Variants in VIL1 observed in about 807,000 individuals in gnomAD.
VIL1 encodes villin 1, also known as villin-1.
Under a neutral mutation model 104.0 loss-of-function variants are expected in VIL1, and 86 were observed. That is an observed-to-expected ratio of 0.83 (90% CI 0.69 to 0.99). The LOEUF (loss-of-function observed/expected upper bound fraction) is 0.99. Ranked by LOEUF, VIL1 falls within the 50% of genes least tolerant of loss-of-function variation. The pLI, the probability that VIL1 is intolerant of heterozygous loss-of-function variation, is 0.00. For missense variants in VIL1, 944 were observed against 1,054.1 expected (o/e 0.90, Z 1.45); for synonymous variants, 394 against 412.6 (o/e 0.95, Z 0.55).
At chr2:218,419,534 C>T (rs1280067345) in intron 1 of VIL1, among the ~76,000 whole-genome samples, 1 of 152,190 alleles carries the variant, frequency 6.6e-6, no homozygotes, top group Admixed American at 6.5e-5. Context: ...GAGCCCCCTC[C>T]CCACCAGCTC....
At chr2:218,432,758 C>T in intron 12 of VIL1, 35 bp from the exon 13 acceptor site, 4 of 1,612,338 alleles carry the variant, frequency 2.5e-6, no homozygotes, top group Non-Finnish European at 3.4e-6. Flanking sequence ...TGGGGGCTGA[C>T]CCAATCCCAC....
rs1246512886 is a variant in VIL1, at chr2:218,424,316, A to G, written c.115A>G (p.Ser39Gly). The G allele has an allele frequency of 6.2e-7, 1 of 1,613,940 alleles. No individual in the cohort carries two copies. Among genetic ancestry groups the G allele is most frequent in the South Asian group, 1.1e-5 (1 of 91,068 alleles). ...MVPVPSSTFGSFFDGDCYIIL... is the reference protein window; with the variant it reads ...MVPVPSSTFGGFFDGDCYIIL... ...GCCTGTTCCTTCCAGCACCTTTGGA[A>G]GCTTCTTCGATGGTGACTGCTACAT... Residue 39 changes from serine to glycine, a missense_variant, in exon 3 of 20, where the codon AGC becomes GGC. Transcript: ENST00000248444.
At position 218,451,462 on chromosome 2, in the gene VIL1, AAGGAAAATAT is replaced by A. The variant is rs1424171855; in HGVS notation, c.*2127_*2136del. 1 of 152,202 alleles carries A rather than the reference AAGGAAAATAT, an allele frequency of 6.6e-6. No individual in the cohort carries two copies. The highest frequency in any genetic ancestry group is 1.5e-5 in the Non-Finnish European group (1 of 68,046). 9.4% of individuals were successfully genotyped at this position (152,202 alleles called of 1,614,324 possible). On this transcript the variant is annotated 3_prime_UTR_variant, in exon 20 of 20. Transcript: ENST00000248444. ...ACTGCAGTCATTTCAGAGGACAGAGAAGGAAAATATTTTAATTTGCTTTAATATAACCTCT... is the reference window on the plus strand; with the variant it reads ...ACTGCAGTCATTTCAGAGGACAGAGATTTAATTTGCTTTAATATAACCTCT...
chr2:218,444,349 G>A (rs1050594347), intron 19 of VIL1, among the ~76,000 whole-genome samples: 2 of 151,428 alleles, frequency 1.3e-5, no homozygotes, highest in Admixed American at 6.6e-5. Flanking sequence ...GCACGATCTC[G>A]GTTCACTGCA....
intron 13 of VIL1, 35 bp downstream of exon 13, chr2:218,432,986 C>A (rs1689126171): frequency 6.2e-7 from 1 of 1,612,284 alleles, no homozygotes; most frequent in African/African-American, 1.3e-5. Flanking sequence ...TGGCAGTAAC[C>A]ACTGTGGCAA....
rs1432351483 is a variant in VIL1 at position 218,424,448 on chromosome 2, G to A, written c.150+97G>A. On this transcript the variant is annotated intron_variant, in intron 3 of 19. Transcript: ENST00000248444. The stretch of plus-strand genomic sequence containing the variant: ...GGGGGCCGTGGGGAGAGTTGGCCTG[G>A]CTTCACCCCAAGACACAATTTACTG... The A allele has an allele frequency of 1.1e-5, 15 of 1,327,864 alleles. No homozygotes were observed. The Admixed American group carries it at 2.5e-4, about 22-fold the overall frequency. 82.3% of individuals were successfully genotyped at this position (1,327,864 alleles called of 1,614,324 possible). A position where few individuals can be genotyped will look rare whatever the true frequency, so the allele number is the denominator to read the frequency against.
Position 218,436,511 on chromosome 2 carries a change from C to A in VIL1, c.1856C>A (p.Pro619His). The A allele has an allele frequency of 6.2e-7, 1 of 1,614,090 alleles. No homozygotes were observed. The highest frequency in any genetic ancestry group is 8.5e-7 in the Non-Finnish European group (1 of 1,180,028). ...CAGGAAGAAAACCTGGTCATCACCC[C>A]CCGGCTCTTTGAGTGTTCCAACAAG... ...RLQEENLVIT[P>H]RLFECSNKTG... The change falls in exon 16 of 20, where the codon CCC becomes CAC. Residue 619 changes from proline to histidine, a missense_variant. Coordinates refer to ENST00000248444, the MANE Select transcript of VIL1 (RefSeq NM_007127.3).
Position 218,451,967 on chromosome 2 carries a change from A to T in VIL1, c.*2631A>T, listed in dbSNP as rs1043135939. ...ACAAAACTCATGAGTGTGCACACACATGTGAATATATCCCTACGAAACAGT... is the reference window on the plus strand; with the variant it reads ...ACAAAACTCATGAGTGTGCACACACTTGTGAATATATCCCTACGAAACAGT... On this transcript the variant is annotated 3_prime_UTR_variant, in exon 20 of 20. Transcript: ENST00000248444. 1 of 152,678 alleles carries T rather than the reference A, an allele frequency of 6.5e-6. No homozygotes were observed. The highest frequency in any genetic ancestry group is 1.5e-5 in the Non-Finnish European group (1 of 68,042). 9.5% of individuals were successfully genotyped at this position (152,678 alleles called of 1,614,324 possible).
chr2:218,437,411 T>TCA, intron 17 of VIL1, 99 bp downstream of exon 17: 1 of 1,433,766 alleles, frequency 7.0e-7, no homozygotes. Context: ...TATGACCTGC[T>TCA]GATTTAGAAA....
At chr2:218,441,038 T>C (rs1689275841) in intron 19 of VIL1, among the ~76,000 whole-genome samples, 176 bp downstream of exon 19, 1 of 152,202 alleles carries the variant, frequency 6.6e-6, no homozygotes, top group South Asian at 2.1e-4. Flanking sequence ...CTGGTTACAC[T>C]ATTATTTAAT....
At chr2:218,434,304 G>C (rs554030389) in intron 13 of VIL1, among the ~76,000 whole-genome samples, 1 of 152,128 alleles carries the variant, frequency 6.6e-6, no homozygotes, top group East Asian at 1.9e-4. Context: ...AGGCAAAGCT[G>C]AGGAGCTGGG....
rs373587954 is a variant in VIL1 at position 218,425,834 on chromosome 2, C to T, written c.347+23C>T. 2.5e-5 allele frequency: 39 copies of T among 1,587,154 alleles called. No individual in the cohort carries two copies. In the South Asian group the frequency reaches 3.3e-4, roughly 14 times the overall value. On this transcript the variant is annotated intron_variant, in intron 4 of 19. Coordinates refer to ENST00000248444, the MANE Select transcript of VIL1 (RefSeq NM_007127.3). The stretch of plus-strand genomic sequence containing the variant: ...TGTGTAGGGAGGGTGGGCTGCAGGC[C>T]GGGGGAATGAGGATGAGTGGTAGGG...
At position 218,438,696 on chromosome 2, in the gene VIL1, C is replaced by T. The variant is rs1163760318; in HGVS notation, c.2199C>T (p.Gly733=). The T allele has an allele frequency of 1.2e-6, 2 of 1,612,530 alleles. No individual in the cohort carries two copies. Among genetic ancestry groups the T allele is most frequent in the African/African-American group, 1.3e-5 (1 of 74,926 alleles). ...KSYEDLKAEL[G]NSRDWSQITA... Reference sequence around the variant, plus strand: ...ATGAGGACCTGAAGGCGGAGCTTGGCAACTCTAGGGACTGGAGCCAGATCA... The same window carrying T: ...ATGAGGACCTGAAGGCGGAGCTTGGTAACTCTAGGGACTGGAGCCAGATCA... Residue 733 remains glycine, a synonymous_variant, in exon 18 of 20, where the codon GGC becomes GGT. Coordinates refer to ENST00000248444, the MANE Select transcript of VIL1 (RefSeq NM_007127.3).
chr2:218,436,766 G>C, intron 16 of VIL1, 140 bp downstream of exon 16: 4 of 1,126,172 alleles, frequency 3.6e-6, no homozygotes, highest in South Asian at 3.2e-5. Context: ...ATGAACACCA[G>C]AAGTGTAAGA....
intron 19 of VIL1, among the ~76,000 whole-genome samples, chr2:218,444,470 G>A (rs1271055125): frequency 6.6e-6 from 1 of 151,896 alleles, no homozygotes; most frequent in African/African-American, 2.4e-5. Flanking sequence ...AGTAGAGACG[G>A]GGTTTCACTG....
chr2:218,423,093 C>T (rs1688923849), intron 1 of VIL1, among the ~76,000 whole-genome samples: 2 of 152,104 alleles, frequency 1.3e-5, no homozygotes, highest in Admixed American at 6.6e-5. Flanking sequence ...AATACAGCTA[C>T]AGGTCCAAGC....
chr2:218,443,861 G>A (rs1225894489), intron 19 of VIL1, among the ~76,000 whole-genome samples: 2 of 152,070 alleles, frequency 1.3e-5, no homozygotes, highest in Admixed American at 1.3e-4. Context: ...CACCATATTG[G>A]CCAGGCTGGT....
chr2:218,431,432 C>T (rs552580771), intron 10 of VIL1, among the ~76,000 whole-genome samples: 2 of 151,602 alleles, frequency 1.3e-5, no homozygotes, highest in East Asian at 1.9e-4. Context: ...CCCTGAAAAC[C>T]GAACAGCTTC....
chr2:218,422,257 AAAATAAAT>A (rs548150052), intron 1 of VIL1, among the ~76,000 whole-genome samples: 2 of 152,094 alleles, frequency 1.3e-5, no homozygotes, highest in African/African-American at 4.8e-5. Context: ...CTCTGTCCCA[AAAATAAAT>A]AAATAAATAA....
Sources: allele counts gnomAD v4.1 joint callset (sites outside exome capture counted in the v4.1 genomes callset), GRCh38; gene constraint gnomAD v4.1.1; transcripts MANE v1.5; gene names NCBI Gene and HGNC (gene_info 2026-07-23, HGNC 2026-07-21).